AFF4: variants seen among roughly 807,000 people sequenced by gnomAD.
AFF4 encodes AF4/FMR2 family member 4.
A neutral mutation model predicts 124.8 loss-of-function variants in AFF4; 13 were observed. The observed-to-expected ratio is 0.10, with a 90% CI of 0.07 to 0.17. The LOEUF is 0.17. AFF4 is among the 10% of genes least tolerant of loss of function. AFF4 has a pLI of 1.00. For synonymous variants in AFF4, 477 were observed against 496.1 expected (o/e 0.96, Z 0.51); for missense variants, 1,092 against 1,403.8 (o/e 0.78, Z 3.55).
chr5:132,934,541 T>A lies in AFF4; in HGVS notation c.524A>T (p.Lys175Ile). The change falls in exon 3 of 21, where the codon AAA becomes ATA. Residue 175 changes from lysine to isoleucine, a missense_variant. Lys to Ile is a moderately radical substitution (Grantham distance 102, BLOSUM62 -3). Coordinates refer to ENST00000265343, the MANE Select transcript of AFF4 (RefSeq NM_014423.4). Reference protein sequence around the residue: ...KKGQHGSEHSKSRSSSPGKPQ... With the variant: ...KKGQHGSEHSISRSSSPGKPQ... Reference sequence around the variant, plus strand: ...TTTTCCAGGGCTGGAAGAACGTGATTTGGAGTGTTCTGATCCATGCTGGCC... The same window carrying A: ...TTTTCCAGGGCTGGAAGAACGTGATATGGAGTGTTCTGATCCATGCTGGCC... 6.8e-6 allele frequency: 11 copies of A among 1,614,104 alleles called. No homozygotes were observed. The highest frequency in any genetic ancestry group is 8.5e-6 in the Non-Finnish European group (10 of 1,180,000).
intron 1 of AFF4, among the ~76,000 whole-genome samples, chr5:132,955,287 C>G (rs1328069709): frequency 6.6e-6 from 1 of 151,912 alleles, no homozygotes; most frequent in Non-Finnish European, 1.5e-5. Context: ...AGGAAACATT[C>G]AGGCAGGAAA....
chr5:132,881,224 C>A (rs767053188), intron 20 of AFF4, 38 bp from the exon 21 acceptor site: 18 of 1,599,590 alleles, frequency 1.1e-5, no homozygotes, highest in Admixed American at 6.9e-5. Context: ...GATATATACT[C>A]TTTTGAATCA....
At chr5:132,932,153 A>C (rs771230973) in intron 4 of AFF4, 25 bp downstream of exon 4, 4 of 1,557,788 alleles carry the variant, frequency 2.6e-6, no homozygotes, top group Non-Finnish European at 3.5e-6. Context: ...AAAGAAATTG[A>C]AATGATTTTT....
chr5:132,888,214 G>A, intron 14 of AFF4, 54 bp from the exon 15 acceptor site: 1 of 1,334,886 alleles, frequency 7.5e-7, no homozygotes. Flanking sequence ...CATAATACTA[G>A]TTCATTTCAG....
At chr5:132,954,562 T>G (rs984288978) in intron 1 of AFF4, among the ~76,000 whole-genome samples, 6 of 149,466 alleles carry the variant, frequency 4.0e-5, no homozygotes, top group Non-Finnish European at 7.5e-5. Flanking sequence ...TTTTTTTTTT[T>G]TTTGAGACGG....
intron 5 of AFF4, among the ~76,000 whole-genome samples, chr5:132,907,036 C>T (rs138803958): frequency 3.4e-4 from 52 of 152,270 alleles, no homozygotes; most frequent in African/African-American, 1.2e-3. Flanking sequence ...AGTTAATAGC[C>T]CCATATTCCA....
Position 132,879,201 on chromosome 5 carries a change from T to G in AFF4, c.*1858A>C, listed in dbSNP as rs144103236. 4.8e-3 allele frequency: 1,059 copies of G among 219,830 alleles called. 4 individuals carry two copies. The highest frequency in any genetic ancestry group is 0.014 in the Middle Eastern group (10 of 714). The allele number at this position is 219,830 out of a possible 1,614,324, so 13.6% of individuals were successfully genotyped here. On this transcript the variant is annotated 3_prime_UTR_variant, in exon 21 of 21. Transcript: ENST00000265343. ...CAAAACAGTTAAGAAGCTCTATAAA[T>G]ATGAGGCCACAGGGACAATGAAAGT... is the stretch of plus-strand genomic sequence containing the variant.
intron 5 of AFF4, among the ~76,000 whole-genome samples, chr5:132,926,521 G>A (rs1761173943): frequency 1.3e-5 from 2 of 150,418 alleles, no homozygotes; most frequent in Admixed American, 1.3e-4. Flanking sequence ...ATAATAGTCT[G>A]CAATAAATAC....
intron 1 of AFF4, among the ~76,000 whole-genome samples, chr5:132,951,599 C>T (rs1294656520): frequency 6.6e-6 from 1 of 152,194 alleles, no homozygotes; most frequent in African/African-American, 2.4e-5. Flanking sequence ...ACGATCTCGG[C>T]TCACTGCAAC....
intron 1 of AFF4, among the ~76,000 whole-genome samples, chr5:132,949,890 G>A (rs1194928644): frequency 1.3e-5 from 2 of 151,934 alleles, no homozygotes; most frequent in East Asian, 3.9e-4. Flanking sequence ...CAGGAAAGGT[G>A]GTGCATGCCT....
intron 10 of AFF4, among the ~76,000 whole-genome samples, chr5:132,897,987 C>CA (rs1475793783): frequency 6.6e-6 from 1 of 152,060 alleles, no homozygotes; most frequent in Non-Finnish European, 1.5e-5. Context: ...AATAAAAGAC[C>CA]AAACTAAAGG....
chr5:132,899,186 A>C, intron 8 of AFF4, 45 bp from the exon 9 acceptor site: 1 of 1,563,096 alleles, frequency 6.4e-7, no homozygotes, highest in African/African-American at 1.4e-5. Flanking sequence ...AATAAACAGT[A>C]TTCTATTTGC....
chr5:132,904,517 T>C, intron 5 of AFF4, 113 bp from the exon 6 acceptor site: 1 of 915,964 alleles, frequency 1.1e-6, no homozygotes, highest in Non-Finnish European at 1.7e-6. Context: ...ACAGAAAGAA[T>C]GTAATGATCC....
chr5:132,877,429 T>C lies in AFF4; in HGVS notation c.*3630A>G, dbSNP rs1469180988. ...TCAAGGTGTCAACAAGAAAGTGTCT[T>C]AGATCAATTTAATAAATAATGTGGA... is the stretch of plus-strand genomic sequence containing the variant. On this transcript the variant is annotated 3_prime_UTR_variant, in exon 21 of 21. Transcript: ENST00000265343. 4.6e-6 allele frequency: 1 copy of C among 216,112 alleles called. No homozygotes were observed. Among genetic ancestry groups the C allele is most frequent in the East Asian group, 6.9e-5 (1 of 14,394 alleles). 13.4% of individuals were successfully genotyped at this position (216,112 alleles called of 1,614,324 possible).
chr5:132,892,578 T>C (rs531014588), intron 12 of AFF4, among the ~76,000 whole-genome samples, 174 bp from the exon 13 acceptor site: 10 of 152,350 alleles, frequency 6.6e-5, no homozygotes, highest in African/African-American at 2.4e-4. Flanking sequence ...GGTAGGCATC[T>C]TCTCTGTTTT....
At chr5:132,948,893 T>C (rs116176018) in intron 1 of AFF4, among the ~76,000 whole-genome samples, 1,669 of 152,310 alleles carry the variant, frequency 0.011, 21 homozygotes, top group African/African-American at 0.037. Context: ...GCAGTACTTT[T>C]TCCTTGACCT....
At chr5:132,888,701 ATT>A (rs923070134) in intron 14 of AFF4, among the ~76,000 whole-genome samples, 1 of 146,398 alleles carries the variant, frequency 6.8e-6, no homozygotes. Context: ...TCAATGATAG[ATT>A]TTTTTTTTTT....
At chr5:132,907,517 T>G (rs1760698328) in intron 5 of AFF4, among the ~76,000 whole-genome samples, 1 of 152,088 alleles carries the variant, frequency 6.6e-6, no homozygotes, top group African/African-American at 2.4e-5. Context: ...CAAATCAAAG[T>G]AAAATGGCAA....
chr5:132,952,908 C>CAAA (rs148356119), intron 1 of AFF4, among the ~76,000 whole-genome samples: 4 of 149,962 alleles, frequency 2.7e-5, no homozygotes, highest in African/African-American at 7.3e-5. Context: ...AAACAAAAAA[C>CAAA]AAAAAAAAAC....
Sources: allele counts gnomAD v4.1 joint callset (sites outside exome capture counted in the v4.1 genomes callset), GRCh38; gene constraint gnomAD v4.1.1; transcripts MANE v1.5; gene names NCBI Gene and HGNC (gene_info 2026-07-23, HGNC 2026-07-21).